Variants in DPP10 observed in about 807,000 individuals in gnomAD.
The protein encoded by DPP10 is dipeptidyl peptidase like 10.
Under a neutral mutation model 120.9 loss-of-function variants are expected in DPP10, and 33 were observed. That is an observed-to-expected ratio of 0.27 (90% confidence interval 0.21 to 0.37). The LOEUF (loss-of-function observed/expected upper bound fraction) is 0.37. Among genes scored for constraint, DPP10 ranks in the 10% least tolerant of loss-of-function variants. The pLI, the probability that DPP10 is intolerant of heterozygous loss-of-function variation, is 1.00. For missense variants in DPP10, 816 were observed against 942.8 expected (o/e 0.87, Z 1.76); for synonymous variants, 337 against 326.1 (o/e 1.03, Z -0.36).
intron 3 of DPP10, among the ~76,000 whole-genome samples, chr2:115,415,608 C>G (rs34790955): frequency 0.49 from 74,867 of 151,528 alleles, 20,329 homozygotes; most frequent in Non-Finnish European, 0.63. Context: ...TTCTCTTTAC[C>G]AAGATTTCTA....
intron 1 of DPP10, among the ~76,000 whole-genome samples, chr2:114,532,932 AC>A (rs1037644752): frequency 6.6e-6 from 1 of 152,116 alleles, no homozygotes; most frequent in Non-Finnish European, 1.5e-5. Context: ...ATCGTTCCCT[AC>A]CTACAGCTCT....
intron 5 of DPP10, among the ~76,000 whole-genome samples, chr2:115,559,372 A>T (rs1221352882): frequency 6.6e-6 from 1 of 152,198 alleles, no homozygotes; most frequent in Non-Finnish European, 1.5e-5. Context: ...TAATGTCAAT[A>T]TCCCTGTAAT....
chr2:115,059,123 G>A (rs1188908907), intron 1 of DPP10, among the ~76,000 whole-genome samples: 1 of 151,546 alleles, frequency 6.6e-6, no homozygotes, highest in Non-Finnish European at 1.5e-5. Context: ...GGAGGAAGGA[G>A]AAAGAAAACA....
At chr2:115,251,081 T>C (rs1032964963) in intron 1 of DPP10, among the ~76,000 whole-genome samples, 1 of 152,162 alleles carries the variant, frequency 6.6e-6, no homozygotes. Flanking sequence ...TCAGAAATAA[T>C]AGTAACAGTG....
chr2:115,142,116 C>G (rs912865370), intron 1 of DPP10, among the ~76,000 whole-genome samples: 1 of 152,100 alleles, frequency 6.6e-6, no homozygotes, highest in African/African-American at 2.4e-5. Flanking sequence ...AGATACAGTT[C>G]TTGTTCTTGA....
At chr2:114,871,012 G>A (rs1480288369) in intron 1 of DPP10, among the ~76,000 whole-genome samples, 1 of 132,342 alleles carries the variant, frequency 7.6e-6, no homozygotes, top group African/African-American at 2.6e-5. Flanking sequence ...CTTAATTTAA[G>A]CAGCATCCCT....
chr2:114,626,485 T>C (rs1167327763), intron 1 of DPP10, among the ~76,000 whole-genome samples: 5 of 152,036 alleles, frequency 3.3e-5, no homozygotes, highest in African/African-American at 1.2e-4. Context: ...TCAAAGACTA[T>C]TGAGACATGA....
chr2:114,997,953 T>C (rs1257420076), intron 1 of DPP10, among the ~76,000 whole-genome samples: 5 of 152,218 alleles, frequency 3.3e-5, no homozygotes, highest in African/African-American at 1.2e-4. Context: ...GGTAACTTTA[T>C]GCAATATTTT....
At chr2:115,666,932 T>G (rs1013869892) in intron 5 of DPP10, among the ~76,000 whole-genome samples, 1 of 152,120 alleles carries the variant, frequency 6.6e-6, no homozygotes, top group African/African-American at 2.4e-5. Context: ...TTTTTTGACT[T>G]TTTAGTAATA....
intron 1 of DPP10, among the ~76,000 whole-genome samples, chr2:115,143,737 G>GT (rs1414714754): frequency 3.3e-5 from 5 of 152,112 alleles, no homozygotes; most frequent in African/African-American, 9.7e-5. Context: ...ATAAAGGTAT[G>GT]TGGCATCATG....
chr2:115,133,849 G>A (rs1429353472), intron 1 of DPP10, among the ~76,000 whole-genome samples: 1 of 152,126 alleles, frequency 6.6e-6, no homozygotes, highest in African/African-American at 2.4e-5. Context: ...TTCACCCCAC[G>A]ATACCTAGCA....
intron 1 of DPP10, among the ~76,000 whole-genome samples, chr2:115,277,701 G>A (rs963175171): frequency 6.6e-6 from 1 of 151,642 alleles, no homozygotes; most frequent in South Asian, 2.1e-4. Context: ...TGAAAATATT[G>A]CGTAAGTAGA....
At chr2:114,497,324 CGT>C (rs1324981565) in intron 1 of DPP10, among the ~76,000 whole-genome samples, 1 of 20,782 alleles carries the variant, frequency 4.8e-5, no homozygotes, top group African/African-American at 1.3e-4. Context: ...TACATGTATA[CGT>C]GTATACATGT....
intron 5 of DPP10, among the ~76,000 whole-genome samples, chr2:115,637,818 AAACTT>A (rs1444863806): frequency 6.6e-6 from 1 of 152,160 alleles, no homozygotes; most frequent in African/African-American, 2.4e-5. Flanking sequence ...CAGTCAAACT[AAACTT>A]GTGTGAAGAA....
intron 4 of DPP10, among the ~76,000 whole-genome samples, chr2:115,507,552 C>A (rs2077012432): frequency 6.6e-6 from 1 of 152,006 alleles, no homozygotes; most frequent in African/African-American, 2.4e-5. Context: ...TAATTACAAA[C>A]AACATAGGGT....
At chr2:114,787,106 C>T (rs1447118865) in intron 1 of DPP10, among the ~76,000 whole-genome samples, 1 of 152,110 alleles carries the variant, frequency 6.6e-6, no homozygotes, top group East Asian at 1.9e-4. Flanking sequence ...ACAGTGATGT[C>T]ATAGAAAATG....
chr2:114,507,642 T>A (rs1233720307), intron 1 of DPP10, among the ~76,000 whole-genome samples: 1 of 151,936 alleles, frequency 6.6e-6, no homozygotes, highest in African/African-American at 2.4e-5. Context: ...ACTGGAATAA[T>A]TCTTGAAGGT....
intron 1 of DPP10, among the ~76,000 whole-genome samples, chr2:114,909,794 T>C (rs1694229904): frequency 6.6e-6 from 1 of 152,068 alleles, no homozygotes; most frequent in African/African-American, 2.4e-5. Flanking sequence ...AAATCTTCTT[T>C]ATAGGAAGCA....
chr2:114,913,395 G>T lies in DPP10; in HGVS notation c.61-395844G>T, dbSNP rs539266229. Among the ~76,000 whole-genome samples the T allele has an allele frequency of 4.1e-4, 63 of 152,280 alleles. No homozygotes were observed. In the South Asian group the frequency reaches 0.011, roughly 28 times the overall value. On this transcript the variant is annotated intron_variant, in intron 1 of 25. Transcript: ENST00000410059. ...CTGGGAACACCTTGGGTCCTCCAGT[G>T]CAGGAAGTGCATAACCTCGAGGGGC...
Sources: allele counts gnomAD v4.1 joint callset (sites outside exome capture counted in the v4.1 genomes callset), GRCh38; gene constraint gnomAD v4.1.1; transcripts MANE v1.5; gene names NCBI Gene and HGNC (gene_info 2026-07-23, HGNC 2026-07-21).